Variants in CERKL observed in about 807,000 individuals in gnomAD.
The protein encoded by CERKL is ceramide kinase-like protein.
In CERKL, 61 loss-of-function variants were observed where a neutral mutation model predicts 63.4. The observed-to-expected ratio is 0.96, with a 90% CI of 0.78 to 1.19. The LOEUF (loss-of-function observed/expected upper bound fraction) is 1.19, where lower values mean the gene tolerates loss of function less well. CERKL is among the 50% of genes most tolerant of loss of function. The pLI is 0.00. For synonymous variants in CERKL, 250 were observed against 230.5 expected (o/e 1.08, Z -0.77); for missense variants, 675 against 655.5 (o/e 1.03, Z -0.33).
intron 1 of CERKL, among the ~76,000 whole-genome samples, chr2:181,608,214 A>T (rs1685800801): frequency 6.6e-6 from 1 of 151,484 alleles, no homozygotes; most frequent in East Asian, 1.9e-4. Flanking sequence ...GCTTTGCCTT[A>T]TTCTAAACGG....
intron 2 of CERKL, among the ~76,000 whole-genome samples, chr2:181,592,657 A>C (rs747924600): frequency 5.3e-5 from 8 of 152,158 alleles, no homozygotes; most frequent in Non-Finnish European, 1.0e-4. Flanking sequence ...CTAACTTTTC[A>C]AGTGTCAGGA....
At chr2:181,610,963 G>A (rs1285909821) in intron 1 of CERKL, among the ~76,000 whole-genome samples, 1 of 152,042 alleles carries the variant, frequency 6.6e-6, no homozygotes, top group African/African-American at 2.4e-5. Flanking sequence ...GTGGCTCACG[G>A]CCTGTAATCC....
chr2:181,603,819 C>T lies in CERKL; in HGVS notation c.481+18G>A, dbSNP rs752924361. 2 of 1,612,306 alleles carry T rather than the reference C, an allele frequency of 1.2e-6. No individual in the cohort carries two copies. The highest frequency in any genetic ancestry group is 2.7e-5 in the African/African-American group (2 of 74,844). On this transcript the variant is annotated intron_variant, in intron 2 of 12. Transcript: ENST00000410087. ...AAGGAAACTGGGCTGATTAAAATTT[C>T]CCATGAGGAGTACTTACCTGCCAAT...
At chr2:181,547,915 A>ACAC in intron 8 of CERKL, 68 bp from the exon 9 acceptor site, 12 of 1,422,586 alleles carry the variant, frequency 8.4e-6, no homozygotes, top group South Asian at 1.2e-5. Flanking sequence ...AGACACACAC[A>ACAC]AATCTATTAA....
chr2:181,646,307 C>T (rs1687668817), intron 1 of CERKL, among the ~76,000 whole-genome samples: 1 of 152,210 alleles, frequency 6.6e-6, no homozygotes, highest in South Asian at 2.1e-4. Context: ...ATATTCACTA[C>T]TTACATATGC....
chr2:181,551,851 C>A (rs1350313087), intron 5 of CERKL, among the ~76,000 whole-genome samples: 1 of 152,144 alleles, frequency 6.6e-6, no homozygotes, highest in Non-Finnish European at 1.5e-5. Flanking sequence ...CTACCTGTCA[C>A]ATGAGGTGTG....
intron 3 of CERKL, among the ~76,000 whole-genome samples, chr2:181,569,466 CAGAG>C (rs1003056238): frequency 2.0e-5 from 3 of 152,010 alleles, no homozygotes; most frequent in Admixed American, 6.6e-5. Context: ...CATAAACAAC[CAGAG>C]AAACACTATG....
chr2:181,619,834 G>A (rs1686371024), intron 1 of CERKL, among the ~76,000 whole-genome samples: 1 of 152,044 alleles, frequency 6.6e-6, no homozygotes, highest in African/African-American at 2.4e-5. Context: ...CTTACCAGAG[G>A]GTGAAGGTTC....
Position 181,560,273 on chromosome 2 carries a change from A to G in CERKL, c.678-1565T>C, listed in dbSNP as rs1198071366. ...AAGACTATGTGGAGTCATACCCAAA[A>G]AAATCTAATTTAGCACCAAATAACT... On this transcript the variant is annotated intron_variant, in intron 4 of 12. Transcript: ENST00000410087. Among the ~76,000 whole-genome samples, 8 of 152,328 alleles carry G rather than the reference A, an allele frequency of 5.3e-5. No homozygotes were observed. In the East Asian group the frequency reaches 1.5e-3, roughly 29 times the overall value.
intron 1 of CERKL, among the ~76,000 whole-genome samples, chr2:181,615,053 T>C (rs1210598155): frequency 2.0e-5 from 3 of 152,206 alleles, no homozygotes; most frequent in African/African-American, 7.2e-5. Flanking sequence ...TTCAGAACAT[T>C]AACTGTCCTC....
At chr2:181,646,022 A>G (rs1273529175) in intron 1 of CERKL, among the ~76,000 whole-genome samples, 1 of 152,238 alleles carries the variant, frequency 6.6e-6, no homozygotes, top group East Asian at 1.9e-4. Flanking sequence ...GTGACCAGAG[A>G]AAGCCTTACT....
intron 1 of CERKL, among the ~76,000 whole-genome samples, chr2:181,630,226 C>A (rs531671011): frequency 1.9e-4 from 29 of 152,090 alleles, no homozygotes; most frequent in Middle Eastern, 3.4e-3. Context: ...CCCCTGCCCC[C>A]CCAGAGTCGG....
intron 1 of CERKL, among the ~76,000 whole-genome samples, chr2:181,628,960 C>A (rs1350830740): frequency 6.6e-6 from 1 of 152,132 alleles, no homozygotes; most frequent in Non-Finnish European, 1.5e-5. Flanking sequence ...TCTATGTCTA[C>A]TTTAGAGAGA....
chr2:181,572,283 T>C (rs1688935791), intron 3 of CERKL, among the ~76,000 whole-genome samples: 1 of 152,188 alleles, frequency 6.6e-6, no homozygotes, highest in African/African-American at 2.4e-5. Flanking sequence ...ACCCCAGTTA[T>C]AATGGTTTTA....
At chr2:181,588,182 T>C (rs1056109228) in intron 2 of CERKL, among the ~76,000 whole-genome samples, 10 of 152,134 alleles carry the variant, frequency 6.6e-5, no homozygotes, top group African/African-American at 1.9e-4. Flanking sequence ...CACCATGGTA[T>C]ACAATAGACC....
chr2:181,595,773 G>T (rs1343678586), intron 2 of CERKL, among the ~76,000 whole-genome samples: 1 of 152,050 alleles, frequency 6.6e-6, no homozygotes, highest in Admixed American at 6.6e-5. Context: ...TCTAAGTCAT[G>T]CATTGTTTTC....
Position 181,579,677 on chromosome 2 carries a change from T to C in CERKL, c.482-5793A>G, listed in dbSNP as rs1036560340. ...TTGTATGATATTTAAGAGTCCCCTT[T>C]TGAGACTTAAAAACTGCATTTTTCT... On this transcript the variant is annotated intron_variant, in intron 2 of 12. Coordinates refer to ENST00000410087, the MANE Select transcript of CERKL (RefSeq NM_201548.5). 7.2e-5 allele frequency among the ~76,000 whole-genome samples: 11 copies of C among 152,104 alleles called. No homozygotes were observed. The South Asian group carries it at 1.7e-3, about 23-fold the overall frequency.
At chr2:181,635,860 C>T (rs947591794) in intron 1 of CERKL, among the ~76,000 whole-genome samples, 2 of 152,158 alleles carry the variant, frequency 1.3e-5, no homozygotes, top group African/African-American at 4.8e-5. Flanking sequence ...ATTTCACTGA[C>T]TTTTTACACT....
At chr2:181,650,432 T>C (rs1451340912) in intron 1 of CERKL, among the ~76,000 whole-genome samples, 1 of 152,154 alleles carries the variant, frequency 6.6e-6, no homozygotes, top group Non-Finnish European at 1.5e-5. Context: ...ACAAACAGCC[T>C]AATGATGAAC....
Sources: allele counts gnomAD v4.1 joint callset (sites outside exome capture counted in the v4.1 genomes callset), GRCh38; gene constraint gnomAD v4.1.1; transcripts MANE v1.5; gene names NCBI Gene and HGNC (gene_info 2026-07-23, HGNC 2026-07-21).